The following ARID5B variants were observed in gnomAD, a reference collection of about 807,000 sequenced individuals.
ARID5B encodes the protein AT-rich interactive domain-containing protein 5B.
ARID5B carries 13 observed loss-of-function variants against 97.2 expected under a neutral mutation model. The observed-to-expected ratio is 0.13, with a 90% CI of 0.09 to 0.21. The LOEUF (loss-of-function observed/expected upper bound fraction) is 0.21, where lower values mean the gene tolerates loss of function less well. ARID5B is among the 10% of genes least tolerant of loss of function. ARID5B has a pLI of 1.00. For synonymous variants in ARID5B, 556 were observed against 570.3 expected, an observed-to-expected ratio of 0.97 and a Z score of 0.36; for missense variants, 1,210 against 1,465.3, an observed-to-expected ratio of 0.83 and a Z score of 2.84.
chr10:61,992,465 A>G (rs951822208), intron 3 of ARID5B, among the ~76,000 whole-genome samples: 2 of 152,004 alleles, frequency 1.3e-5, no homozygotes, highest in African/African-American at 2.4e-5. Context: ...TAACATTTTG[A>G]TACATATTTT....
chr10:61,983,436 G>A (rs1439345100), intron 3 of ARID5B, among the ~76,000 whole-genome samples: 1 of 152,134 alleles, frequency 6.6e-6, no homozygotes, highest in Non-Finnish European at 1.5e-5. Context: ...GTGGTATCTT[G>A]GCTGGCGTTC....
At chr10:61,926,915 T>C (rs974338944) in intron 2 of ARID5B, among the ~76,000 whole-genome samples, 30 of 152,192 alleles carry the variant, frequency 2.0e-4, no homozygotes, top group African/African-American at 5.8e-4. Context: ...TGAGCCACCG[T>C]GCCTGGCCTC....
chr10:62,093,173 G>A lies in ARID5B; in HGVS notation c.*143G>A, dbSNP rs888290629. 3.1e-6 allele frequency: 4 copies of A among 1,283,578 alleles called. No homozygotes were observed. In the African/African-American group the frequency reaches 4.5e-5, roughly 14 times the overall value. 79.5% of individuals were successfully genotyped at this position (1,283,578 alleles called of 1,614,324 possible). Reference sequence around the variant, plus strand: ...GTCCCAGCTGTAGGGGCCCAGAGGGGAGGTGAACATGCCTGATTTTTGTGG... The same window carrying A: ...GTCCCAGCTGTAGGGGCCCAGAGGGAAGGTGAACATGCCTGATTTTTGTGG... On this transcript the variant is annotated 3_prime_UTR_variant, in exon 10 of 10. Transcript: ENST00000279873.
At chr10:62,007,777 G>T (rs1015981731) in intron 4 of ARID5B, among the ~76,000 whole-genome samples, 1 of 151,934 alleles carries the variant, frequency 6.6e-6, no homozygotes, top group Non-Finnish European at 1.5e-5. Flanking sequence ...ATTCCACATC[G>T]CTTATTCCAG....
At chr10:62,029,465 T>C (rs1839466727) in intron 4 of ARID5B, among the ~76,000 whole-genome samples, 2 of 152,330 alleles carry the variant, frequency 1.3e-5, no homozygotes, top group Non-Finnish European at 1.5e-5. Context: ...TGAGAATATA[T>C]AGCTAAGAAA....
chr10:62,040,257 C>T (rs1206465974), intron 4 of ARID5B, among the ~76,000 whole-genome samples: 1 of 152,004 alleles, frequency 6.6e-6, no homozygotes, highest in African/African-American at 2.4e-5. Context: ...CATTTAGTAG[C>T]CTTGAGTCAA....
At chr10:62,054,999 TGTA>T (rs1219457177) in intron 5 of ARID5B, among the ~76,000 whole-genome samples, 1 of 152,198 alleles carries the variant, frequency 6.6e-6, no homozygotes, top group African/African-American at 2.4e-5. Flanking sequence ...TCTAGCTCAT[TGTA>T]GGTGCTCAAT....
intron 2 of ARID5B, among the ~76,000 whole-genome samples, chr10:61,919,859 A>T (rs1056944320): frequency 4.0e-5 from 6 of 151,502 alleles, no homozygotes; most frequent in Non-Finnish European, 5.9e-5. Context: ...TTTTTTTTTT[A>T]AATGCAGATC....
chr10:62,058,840 C>T (rs1839888674), intron 6 of ARID5B, among the ~76,000 whole-genome samples: 1 of 152,100 alleles, frequency 6.6e-6, no homozygotes, highest in South Asian at 2.1e-4. Flanking sequence ...ATGGAGAGTT[C>T]TTATATGAGA....
intron 3 of ARID5B, among the ~76,000 whole-genome samples, chr10:61,980,229 A>G (rs1243786309): frequency 6.6e-6 from 1 of 152,254 alleles, no homozygotes; most frequent in Non-Finnish European, 1.5e-5. Context: ...CCTAGAGGCT[A>G]ATGGAAGCCA....
Position 61,919,050 on chromosome 10 carries a change from C to A in ARID5B, c.276+16637C>A, listed in dbSNP as rs1052276295. On this transcript the variant is annotated intron_variant, in intron 2 of 9. Transcript: ENST00000279873. ...GCCTGACTCCGTCCCCCCCCCCCCC[C>A]CCAAAAAAATAAAAGGTGCGTTAGG... Among the ~76,000 whole-genome samples the A allele has an allele frequency of 7.3e-5, 8 of 109,542 alleles. No individual in the cohort carries two copies. The South Asian group carries it at 1.1e-3, about 15-fold the overall frequency. The allele number at this position is 109,542 out of a possible 152,430, so 71.9% of individuals were successfully genotyped here. A position where few individuals can be genotyped will look rare whatever the true frequency, so the allele number is the denominator to read the frequency against.
At chr10:61,963,851 C>T (rs1027729674) in intron 3 of ARID5B, among the ~76,000 whole-genome samples, 1 of 151,902 alleles carries the variant, frequency 6.6e-6, no homozygotes, top group Admixed American at 6.6e-5. Flanking sequence ...GAAGAAATGA[C>T]CTGTGCCCCC....
At chr10:61,994,196 A>G (rs1838965925) in intron 3 of ARID5B, among the ~76,000 whole-genome samples, 1 of 152,170 alleles carries the variant, frequency 6.6e-6, no homozygotes, top group Admixed American at 6.5e-5. Flanking sequence ...GCAGGAAGGA[A>G]CATGCATATT....
chr10:61,983,570 A>G (rs898291066), intron 3 of ARID5B, among the ~76,000 whole-genome samples: 7 of 152,152 alleles, frequency 4.6e-5, no homozygotes, highest in Non-Finnish European at 1.0e-4. Context: ...GATAACACCT[A>G]TTATATAGAT....
chr10:61,909,322 T>TTTTTTG (rs1843760520), intron 2 of ARID5B, among the ~76,000 whole-genome samples: 1 of 134,782 alleles, frequency 7.4e-6, no homozygotes, highest in African/African-American at 2.9e-5. Context: ...CAGTGAGTTT[T>TTTTTTG]TTTTTTTTTT....
intron 7 of ARID5B, 149 bp downstream of exon 7, chr10:62,059,444 G>A: frequency 1.6e-6 from 1 of 610,986 alleles, no homozygotes; most frequent in East Asian, 2.9e-5. Flanking sequence ...GGCCGCTTTG[G>A]AAACAGTCCC....
chr10:62,044,146 TA>T (rs1839675435), intron 4 of ARID5B, among the ~76,000 whole-genome samples: 5 of 152,058 alleles, frequency 3.3e-5, no homozygotes, highest in African/African-American at 1.2e-4. Context: ...TGCTAAATTG[TA>T]GTTTGTGGTT....
chr10:61,968,191 C>T (rs945222993), intron 3 of ARID5B, among the ~76,000 whole-genome samples: 4 of 138,980 alleles, frequency 2.9e-5, no homozygotes, highest in Admixed American at 1.4e-4. Context: ...TATTTATACA[C>T]ACACACACAC....
intron 3 of ARID5B, among the ~76,000 whole-genome samples, chr10:61,961,670 A>G (rs1466261949): frequency 6.6e-6 from 1 of 152,208 alleles, no homozygotes; most frequent in East Asian, 1.9e-4. Context: ...TCAGACTCTT[A>G]TCAGTGGTTT....
Sources: allele counts gnomAD v4.1 joint callset (sites outside exome capture counted in the v4.1 genomes callset), GRCh38; gene constraint gnomAD v4.1.1; transcripts MANE v1.5; gene names NCBI Gene and HGNC (gene_info 2026-07-23, HGNC 2026-07-21).